FAM107A: variants seen among roughly 807,000 people sequenced by gnomAD.
FAM107A encodes family with sequence similarity 107 member A.
In FAM107A, 19 loss-of-function variants were observed where a neutral mutation model predicts 13.7. The observed-to-expected ratio is 1.38, with a 90% confidence interval of 0.97 to 2.03. FAM107A has a LOEUF of 2.03. FAM107A is among the 30% of genes most tolerant of loss of function. The probability of loss-of-function intolerance (pLI) is 0.00; values close to 1 mark genes in which losing one functional copy is unlikely to be tolerated. For synonymous variants in FAM107A, 82 were observed against 74.5 expected (o/e 1.10, Z -0.52); for missense variants, 203 against 184.4 (o/e 1.10, Z -0.58).
chr3:58,583,706 G>A (rs1348086982), intron 1 of FAM107A, among the ~76,000 whole-genome samples: 3 of 151,318 alleles, frequency 2.0e-5, no homozygotes, highest in African/African-American at 4.9e-5. Flanking sequence ...GGGGGGACAC[G>A]GTCTTGCTCT....
chr3:58,581,188 A>G (rs12494210), upstream of FAM107A, among the ~76,000 whole-genome samples: 35,234 of 152,158 alleles, frequency 0.23, 4,804 homozygotes, highest in East Asian at 0.5. Context: ...CTGGGGCATC[A>G]AAGGGGGAAG....
rs193068060 is a variant in FAM107A at position 58,593,394 on chromosome 3, C to A, written c.-69-4125G>T. 8.5e-5 allele frequency among the ~76,000 whole-genome samples: 13 copies of A among 152,280 alleles called. No homozygotes were observed. In the East Asian group the frequency reaches 1.5e-3, roughly 18 times the overall value. The stretch of plus-strand genomic sequence containing the variant: ...TCTGCTGTCTAGTCATACTCCTATT[C>A]ACCATTCTCAACTACTTGTAAATGC... On this transcript the variant is annotated intron_variant, in intron 1 of 3. Coordinates refer to the FAM107A transcript ENST00000465970.
In FAM107A at chr3:58,614,492, ATCTT is replaced by A. The variant is rs768012052; in HGVS notation, c.-70+12920_-70+12923del. On this transcript the variant is annotated intron_variant, in intron 1 of 3. Coordinates refer to the FAM107A transcript ENST00000465970. Reference sequence around the variant, plus strand: ...ATAGTAACTCATGATTCAATTTCTTATCTTTCTTTCTTTCTTTTTTTTTTTTTTT... The same window carrying A: ...ATAGTAACTCATGATTCAATTTCTTATCTTTCTTTCTTTTTTTTTTTTTTT... Among the ~76,000 whole-genome samples, 14 of 147,926 alleles carry A rather than the reference ATCTT, an allele frequency of 9.5e-5. 2 individuals are homozygous for A. The highest frequency in any genetic ancestry group is 7.0e-3 in the Middle Eastern group (2 of 286).
chr3:58,599,696 A>AT lies in FAM107A; in HGVS notation c.-69-10428dup, dbSNP rs57244654. On this transcript the variant is annotated intron_variant, in intron 1 of 3. Transcript: ENST00000465970. ...GTGGTATACTTAAAACAAGTGCACC[A>AT]TTTTTTTTTTTTTTTTTTTTTTTTT... 7.2e-3 allele frequency among the ~76,000 whole-genome samples: 566 copies of AT among 78,532 alleles called. 127 individuals are homozygous for AT. The highest frequency in any genetic ancestry group is 0.01 in the Non-Finnish European group (382 of 37,362). 51.5% of individuals were successfully genotyped at this position (78,532 alleles called of 152,430 possible).
intron 1 of FAM107A, among the ~76,000 whole-genome samples, chr3:58,574,014 C>T (rs2063709939): frequency 1.3e-5 from 2 of 152,298 alleles, no homozygotes; most frequent in Middle Eastern, 3.4e-3. Context: ...ATGCCTCGTA[C>T]AGAGTTGAGC....
At chr3:58,600,586 T>C (rs1191929842) in intron 1 of FAM107A, among the ~76,000 whole-genome samples, 1 of 152,220 alleles carries the variant, frequency 6.6e-6, no homozygotes, top group African/African-American at 2.4e-5. Context: ...GGACAGGGAA[T>C]TCGATAGAAT....
chr3:58,607,144 A>C (rs774586121), intron 1 of FAM107A: 1 of 152,218 alleles, frequency 6.6e-6, no homozygotes, highest in African/African-American at 2.4e-5. Flanking sequence ...GTTTTCTGAG[A>C]TTGGGCACTA....
At chr3:58,592,170 C>T (rs907574644) in intron 1 of FAM107A, among the ~76,000 whole-genome samples, 3 of 152,136 alleles carry the variant, frequency 2.0e-5, no homozygotes, top group Non-Finnish European at 2.9e-5. Flanking sequence ...GAGCAAGTAA[C>T]CTTAATCTGT....
intron 1 of FAM107A, among the ~76,000 whole-genome samples, chr3:58,624,552 C>G (rs540024508): frequency 1.3e-5 from 2 of 152,332 alleles, no homozygotes; most frequent in Admixed American, 6.5e-5. Context: ...ACTCTCCCTT[C>G]CATTGAGTAA....
upstream of FAM107A, among the ~76,000 whole-genome samples, chr3:58,588,744 C>T (rs2065630719): frequency 6.6e-6 from 1 of 152,182 alleles, no homozygotes. Context: ...ACTGCAACCT[C>T]CACCTCCTGG....
rs542282743 is a variant in FAM107A, at chr3:58,584,010, T to A, written c.79+2848A>T. 2.0e-5 allele frequency among the ~76,000 whole-genome samples: 3 copies of A among 152,324 alleles called. No homozygotes were observed. In the South Asian group the frequency reaches 6.2e-4, roughly 32 times the overall value. On this transcript the variant is annotated intron_variant, in intron 1 of 3. Coordinates refer to the FAM107A transcript ENST00000447756. Reference sequence around the variant, plus strand: ...CTATTTTGGGTCTGAATCTGTAATGTCCTCCTTGGGGGCTTCTCAACGAAA... The same window carrying A: ...CTATTTTGGGTCTGAATCTGTAATGACCTCCTTGGGGGCTTCTCAACGAAA...
At chr3:58,566,716 G>C (rs373278871) in intron 3 of FAM107A, 21 bp from the exon 4 acceptor site, 112 of 1,573,334 alleles carry the variant, frequency 7.1e-5, no homozygotes, top group Non-Finnish European at 9.3e-5. Flanking sequence ...GAGAAGCAGA[G>C]AGTGAAGTGG....
chr3:58,615,351 CA>C (rs2065891775), intron 1 of FAM107A, among the ~76,000 whole-genome samples: 1 of 151,022 alleles, frequency 6.6e-6, no homozygotes, highest in African/African-American at 2.4e-5. Context: ...GTCTTCTTTT[CA>C]ATGTGCATTT....
At chr3:58,622,217 T>C (rs1469166132) in intron 1 of FAM107A, among the ~76,000 whole-genome samples, 5 of 152,126 alleles carry the variant, frequency 3.3e-5, no homozygotes, top group Non-Finnish European at 7.4e-5. Flanking sequence ...GGTGGGTGGA[T>C]CACTTGAGGT....
intron 1 of FAM107A, among the ~76,000 whole-genome samples, chr3:58,574,910 G>T (rs1402081452): frequency 6.6e-6 from 1 of 152,134 alleles, no homozygotes; most frequent in Non-Finnish European, 1.5e-5. Context: ...GGCCACTGGG[G>T]CATGCATGGC....
At chr3:58,588,953 A>G (rs76674160), upstream of FAM107A, among the ~76,000 whole-genome samples, 3,014 of 152,290 alleles carry the variant, frequency 0.02, 46 homozygotes, top group Non-Finnish European at 0.027. Flanking sequence ...CCCGGCCTCA[A>G]GTGATGGTTA....
upstream of FAM107A, among the ~76,000 whole-genome samples, chr3:58,581,764 G>A (rs554739570): frequency 1.3e-5 from 2 of 152,322 alleles, no homozygotes; most frequent in Non-Finnish European, 2.9e-5. Flanking sequence ...ACCCAGTTGA[G>A]GGATTTCAAG....
chr3:58,619,133 T>C (rs1293529765), intron 1 of FAM107A, among the ~76,000 whole-genome samples: 1 of 152,130 alleles, frequency 6.6e-6, no homozygotes, highest in African/African-American at 2.4e-5. Context: ...CCTGAGTAGC[T>C]GGGACTACAT....
At chr3:58,618,156 G>C (rs112792801) in intron 1 of FAM107A, among the ~76,000 whole-genome samples, 156 of 152,266 alleles carry the variant, frequency 1.0e-3, no homozygotes, top group African/African-American at 3.6e-3. Context: ...GAGGCTCAAG[G>C]GGGGTAGGCC....
Sources: gnomAD v4.1 joint callset for allele counts (sites outside exome capture counted in the v4.1 genomes callset) on GRCh38, gnomAD v4.1.1 for gene constraint, MANE v1.5 for transcripts, NCBI Gene and HGNC (gene_info 2026-07-23, HGNC 2026-07-21) for gene names.